TRIM2: variants seen among roughly 807,000 people sequenced by gnomAD.
TRIM2 encodes tripartite motif containing 2.
Under a neutral mutation model 75.2 loss-of-function variants are expected in TRIM2, and 20 were observed. That is an observed-to-expected ratio of 0.27 (90% confidence interval 0.19 to 0.39). TRIM2 has a LOEUF of 0.39. TRIM2 is among the 10% of genes least tolerant of loss of function. The pLI, the probability that TRIM2 is intolerant of heterozygous loss-of-function variation, is 1.00. For synonymous variants in TRIM2, 373 were observed against 388.3 expected (o/e 0.96, Z 0.46); for missense variants, 660 against 990.8 (o/e 0.67, Z 4.48).
At chr4:153,261,087 G>C (rs1319041462) in intron 1 of TRIM2, among the ~76,000 whole-genome samples, 1 of 152,138 alleles carries the variant, frequency 6.6e-6, no homozygotes, top group Non-Finnish European at 1.5e-5. Context: ...ATTTGTAATT[G>C]CTTGGAAAGC....
At chr4:153,315,754 G>T (rs1366630589) in intron 7 of TRIM2, 78 bp from the exon 8 acceptor site, 4 of 1,545,942 alleles carry the variant, frequency 2.6e-6, no homozygotes, top group Non-Finnish European at 3.6e-6. Context: ...CTGTATGTAT[G>T]GCAGATGTTT....
chr4:153,227,733 G>T (rs1380288210), intron 1 of TRIM2, among the ~76,000 whole-genome samples: 1 of 152,136 alleles, frequency 6.6e-6, no homozygotes, highest in African/African-American at 2.4e-5. Context: ...ATTCTCCTGG[G>T]AATTAAAATT....
At chr4:153,170,083 C>A (rs1439214400) in intron 1 of TRIM2, among the ~76,000 whole-genome samples, 2 of 151,862 alleles carry the variant, frequency 1.3e-5, no homozygotes, top group Non-Finnish European at 2.9e-5. Flanking sequence ...AAGTGAATGG[C>A]CTGATTGTTG....
intron 11 of TRIM2, among the ~76,000 whole-genome samples, chr4:153,332,609 C>G (rs1771723054): frequency 2.0e-5 from 3 of 151,174 alleles, no homozygotes; most frequent in South Asian, 4.2e-4. Flanking sequence ...CACACCATTG[C>G]ACTCCAGCCT....
At chr4:153,152,304 G>A (rs1015683404), upstream of TRIM2, 2 of 151,936 alleles carry the variant, frequency 1.3e-5, no homozygotes, top group African/African-American at 4.8e-5. Context: ...TGGGCCTCGC[G>A]GGGAAGGGCT....
At chr4:153,198,177 T>C (rs2149673505) in intron 1 of TRIM2, among the ~76,000 whole-genome samples, 1 of 152,316 alleles carries the variant, frequency 6.6e-6, no homozygotes, top group African/African-American at 2.4e-5. Context: ...GCTTAGAGAT[T>C]TGTGATTTCC....
At chr4:153,308,641 T>A in intron 6 of TRIM2, 1 of 602,774 alleles carries the variant, frequency 1.7e-6, no homozygotes, top group East Asian at 4.4e-5. Context: ...CATTTCAATG[T>A]TCAAAGCATC....
At position 153,161,919 on chromosome 4, in the gene TRIM2, T is replaced by A. The variant is rs145682383; in HGVS notation, c.-49+8649T>A. ...GAAACTTCCATCCACTAGAAAAAAATGAGTGCTTAAGCAAATATGGCCAGA... is the reference window on the plus strand; with the variant it reads ...GAAACTTCCATCCACTAGAAAAAAAAGAGTGCTTAAGCAAATATGGCCAGA... On this transcript the variant is annotated intron_variant, in intron 1 of 11. Coordinates refer to the TRIM2 transcript ENST00000437508. Among the ~76,000 whole-genome samples, 495 of 152,256 alleles carry A rather than the reference T, an allele frequency of 3.3e-3. 3 individuals are homozygous for A. The highest frequency in any genetic ancestry group is 0.011 in the African/African-American group (473 of 41,564).
At chr4:153,297,669 G>A (rs1418156929) in intron 6 of TRIM2, among the ~76,000 whole-genome samples, 1 of 151,992 alleles carries the variant, frequency 6.6e-6, no homozygotes, top group Non-Finnish European at 1.5e-5. Context: ...CTCCCACCAA[G>A]TGACCCCAGT....
chr4:153,154,299 G>A (rs1409934721), intron 1 of TRIM2, among the ~76,000 whole-genome samples: 7 of 152,166 alleles, frequency 4.6e-5, no homozygotes, highest in African/African-American at 1.4e-4. Context: ...CAGGTTTCTT[G>A]ATGTGGTGTC....
At chr4:153,199,184 T>C (rs1417580049) in intron 1 of TRIM2, among the ~76,000 whole-genome samples, 1 of 152,218 alleles carries the variant, frequency 6.6e-6, no homozygotes, top group Non-Finnish European at 1.5e-5. Context: ...GTTTTCTTGA[T>C]GAAATTTCTG....
chr4:153,242,960 A>C (rs1216576033), intron 1 of TRIM2, among the ~76,000 whole-genome samples: 2 of 152,200 alleles, frequency 1.3e-5, no homozygotes, highest in African/African-American at 4.8e-5. Flanking sequence ...AGGCAGCATG[A>C]GTGGGAGGTG....
chr4:153,292,335 ATATT>A (rs1183665338), intron 3 of TRIM2, among the ~76,000 whole-genome samples: 1 of 152,172 alleles, frequency 6.6e-6, no homozygotes, highest in African/African-American at 2.4e-5. Flanking sequence ...TTTTCACAAT[ATATT>A]TATTTTCATA....
intron 1 of TRIM2, among the ~76,000 whole-genome samples, chr4:153,174,562 C>T (rs1169065320): frequency 5.3e-5 from 8 of 152,222 alleles, no homozygotes; most frequent in Admixed American, 5.2e-4. Context: ...TGCGGCCAAC[C>T]TGCCAGCACC....
chr4:153,164,127 T>A (rs922387013), intron 1 of TRIM2, among the ~76,000 whole-genome samples: 1 of 152,138 alleles, frequency 6.6e-6, no homozygotes, highest in Non-Finnish European at 1.5e-5. Flanking sequence ...TATAAACACA[T>A]GTACTTATTG....
chr4:153,226,518 G>GAATA (rs1742171676), intron 1 of TRIM2, among the ~76,000 whole-genome samples: 1 of 152,332 alleles, frequency 6.6e-6, no homozygotes, highest in Admixed American at 6.5e-5. Flanking sequence ...TTTGAGAGAT[G>GAATA]AATACCCTTT....
chr4:153,293,481 GAC>G (rs1405155264), intron 4 of TRIM2, among the ~76,000 whole-genome samples: 16 of 152,180 alleles, frequency 1.1e-4, no homozygotes, highest in African/African-American at 3.9e-4. Context: ...TGCTGTTCCT[GAC>G]ACACATACAG....
intron 1 of TRIM2, 54 bp downstream of exon 1, chr4:153,204,614 C>A (rs1734882596): frequency 6.5e-7 from 1 of 1,549,602 alleles, no homozygotes; most frequent in African/African-American, 1.4e-5. Flanking sequence ...GCTGGTTAAT[C>A]CGGGGCTGGG....
chr4:153,231,156 G>C (rs1247695737), intron 1 of TRIM2, among the ~76,000 whole-genome samples: 1 of 152,130 alleles, frequency 6.6e-6, no homozygotes, highest in Non-Finnish European at 1.5e-5. Flanking sequence ...AAGAAAGGAT[G>C]TTTTGTTGAG....
Sources: gnomAD v4.1 joint callset for allele counts (sites outside exome capture counted in the v4.1 genomes callset) on GRCh38, gnomAD v4.1.1 for gene constraint, MANE v1.5 for transcripts, NCBI Gene and HGNC (gene_info 2026-07-23, HGNC 2026-07-21) for gene names.